The following TRIM33 variants were observed in gnomAD, a reference collection of about 807,000 sequenced individuals.
TRIM33 encodes the protein tripartite motif containing 33.
In TRIM33, 20 loss-of-function variants were observed where a neutral mutation model predicts 125.4. The ratio of observed to expected loss-of-function variants is 0.16; its 90% confidence interval spans 0.11 to 0.23. TRIM33 has a LOEUF of 0.23. Among genes scored for constraint, TRIM33 ranks in the 10% least tolerant of loss-of-function variants. The pLI is 1.00. For missense variants in TRIM33, 920 were observed against 1,411.4 expected (o/e 0.65, Z 5.58); for synonymous variants, 564 against 513.9 (o/e 1.10, Z -1.32).
At chr1:114,458,564 C>T (rs1397348098) in intron 4 of TRIM33, among the ~76,000 whole-genome samples, 2 of 152,146 alleles carry the variant, frequency 1.3e-5, no homozygotes, top group East Asian at 1.9e-4. Flanking sequence ...CAGCAGCACC[C>T]ATTCCCTAGC....
At position 114,471,974 on chromosome 1, in the gene TRIM33, T is replaced by C. The variant is rs555771058; in HGVS notation, c.527-7586A>G. Among the ~76,000 whole-genome samples, 5 of 152,334 alleles carry C rather than the reference T, an allele frequency of 3.3e-5. No individual in the cohort carries two copies. In the East Asian group the frequency reaches 7.7e-4, roughly 23 times the overall value. Reference sequence around the variant, plus strand: ...TGACCTGAACTGTCATAAAGCTATATATATCTTTAGTTACGCTATTTAGTG... The same window carrying C: ...TGACCTGAACTGTCATAAAGCTATACATATCTTTAGTTACGCTATTTAGTG... On this transcript the variant is annotated intron_variant, in intron 1 of 19. Coordinates refer to ENST00000358465, the MANE Select transcript of TRIM33 (RefSeq NM_015906.4).
intron 1 of TRIM33, among the ~76,000 whole-genome samples, chr1:114,475,523 T>C (rs1650923131): frequency 6.6e-6 from 1 of 151,728 alleles, no homozygotes; most frequent in African/African-American, 2.4e-5. Flanking sequence ...GTACTAAAAA[T>C]ACAAAAAAAA....
chr1:114,477,373 C>T (rs1651042066), intron 1 of TRIM33, among the ~76,000 whole-genome samples: 1 of 151,886 alleles, frequency 6.6e-6, no homozygotes, highest in Non-Finnish European at 1.5e-5. Flanking sequence ...AAACACTTCT[C>T]TATTCAAGTC....
chr1:114,463,257 T>G, intron 3 of TRIM33, 21 bp from the exon 4 acceptor site: 1 of 1,575,842 alleles, frequency 6.3e-7, no homozygotes, highest in Non-Finnish European at 8.6e-7. Flanking sequence ...ATAAAACAAA[T>G]ATTTTTTAAC....
At chr1:114,455,797 A>C (rs1340549084) in intron 4 of TRIM33, among the ~76,000 whole-genome samples, 3 of 152,204 alleles carry the variant, frequency 2.0e-5, no homozygotes, top group African/African-American at 7.2e-5. Flanking sequence ...TTAAAAAGCC[A>C]GGGAACAAAG....
chr1:114,491,872 C>T (rs375774360), intron 1 of TRIM33, among the ~76,000 whole-genome samples: 1 of 152,174 alleles, frequency 6.6e-6, no homozygotes, highest in East Asian at 1.9e-4. Context: ...AACACTGTAA[C>T]TCATACATGA....
rs112212352 is a variant in TRIM33, at chr1:114,410,990, T to C, written c.2062-674A>G. 4.3e-3 allele frequency among the ~76,000 whole-genome samples: 661 copies of C among 152,316 alleles called. 1 individual carries two copies. The highest frequency in any genetic ancestry group is 0.015 in the African/African-American group (611 of 41,562). ...AAGAGTAAAAAAAATTATTTAAGTATGAATATTACCTTAAATCTTATACTA... is the reference window on the plus strand; with the variant it reads ...AAGAGTAAAAAAAATTATTTAAGTACGAATATTACCTTAAATCTTATACTA... On this transcript the variant is annotated intron_variant, in intron 11 of 19. Transcript: ENST00000358465.
At chr1:114,480,213 T>C (rs1266363670) in intron 1 of TRIM33, among the ~76,000 whole-genome samples, 5 of 152,094 alleles carry the variant, frequency 3.3e-5, no homozygotes, top group African/African-American at 4.8e-5. Context: ...ATGTGCTGTG[T>C]CCACTCAGGG....
chr1:114,469,741 G>A lies in TRIM33; in HGVS notation c.527-5353C>T, dbSNP rs575807962. Among the ~76,000 whole-genome samples the A allele has an allele frequency of 3.3e-5, 5 of 152,256 alleles. No individual in the cohort carries two copies. In the South Asian group the frequency reaches 8.3e-4, roughly 25 times the overall value. On this transcript the variant is annotated intron_variant, in intron 1 of 19. Transcript: ENST00000358465. ...AGACAGACATTAGCATGAGCGTGGG[G>A]AACTGAAGATGTGAAATGCTGAATA...
intron 1 of TRIM33, among the ~76,000 whole-genome samples, chr1:114,465,967 C>A (rs1366384496): frequency 6.6e-6 from 1 of 151,692 alleles, no homozygotes; most frequent in African/African-American, 2.4e-5. Flanking sequence ...CGCTTGAACC[C>A]GGGAGGTGGG....
intron 1 of TRIM33, among the ~76,000 whole-genome samples, chr1:114,470,803 G>A (rs1650592453): frequency 6.6e-6 from 1 of 152,164 alleles, no homozygotes; most frequent in South Asian, 2.1e-4. Context: ...GAAAAGTTTT[G>A]TGTTTTGTTT....
At chr1:114,497,590 C>T (rs1022105191) in intron 1 of TRIM33, among the ~76,000 whole-genome samples, 7 of 152,138 alleles carry the variant, frequency 4.6e-5, no homozygotes, top group African/African-American at 1.4e-4. Context: ...CGTAAGCCAC[C>T]CTGCCTGGCC....
intron 1 of TRIM33, among the ~76,000 whole-genome samples, chr1:114,503,031 G>A (rs554898873): frequency 1.7e-3 from 255 of 152,108 alleles, no homozygotes; most frequent in Non-Finnish European, 2.2e-3. Context: ...TCTAAGAAAA[G>A]GGAAAAGCAG....
chr1:114,415,087 T>C (rs1003239795), intron 11 of TRIM33, among the ~76,000 whole-genome samples: 4 of 147,066 alleles, frequency 2.7e-5, no homozygotes, highest in African/African-American at 7.7e-5. Flanking sequence ...CTTGATCCCC[T>C]GGGCTAAAGG....
chr1:114,509,947 A>G (rs1249197779), intron 1 of TRIM33, among the ~76,000 whole-genome samples: 1 of 151,958 alleles, frequency 6.6e-6, no homozygotes, highest in Admixed American at 6.6e-5. Flanking sequence ...TTCATCCCCA[A>G]ACCTTAGGAT....
intron 1 of TRIM33, among the ~76,000 whole-genome samples, chr1:114,501,189 C>CAAAAA (rs775867907): frequency 8.6e-5 from 2 of 23,166 alleles, no homozygotes; most frequent in Admixed American, 3.7e-4. Context: ...GACTCCGTCT[C>CAAAAA]AAAAAAAAAA....
chr1:114,509,497 T>G (rs1011783654), intron 1 of TRIM33, among the ~76,000 whole-genome samples: 3 of 152,190 alleles, frequency 2.0e-5, no homozygotes, highest in African/African-American at 7.2e-5. Flanking sequence ...CAAAATATTC[T>G]GAAGTCCTTA....
intron 1 of TRIM33, among the ~76,000 whole-genome samples, chr1:114,510,087 C>T (rs3827735): frequency 6.6e-6 from 1 of 151,776 alleles, no homozygotes; most frequent in African/African-American, 2.4e-5. Context: ...AATCCATAGT[C>T]CTCCTCTCTC....
At chr1:114,412,717 TA>T (rs1159375054) in intron 11 of TRIM33, among the ~76,000 whole-genome samples, 1 of 152,254 alleles carries the variant, frequency 6.6e-6, no homozygotes, top group Non-Finnish European at 1.5e-5. Flanking sequence ...GTTACTATTC[TA>T]TTATATGAAC....
Sources: allele counts gnomAD v4.1 joint callset (sites outside exome capture counted in the v4.1 genomes callset), GRCh38; gene constraint gnomAD v4.1.1; transcripts MANE v1.5; gene names NCBI Gene and HGNC (gene_info 2026-07-23, HGNC 2026-07-21).